SCFD2: variants seen among roughly 807,000 people sequenced by gnomAD.
SCFD2 encodes the protein sec1 family domain-containing protein 2.
In SCFD2, 54 loss-of-function variants were observed where a neutral mutation model predicts 58.9. The ratio of observed to expected loss-of-function variants is 0.92; its 90% CI spans 0.74 to 1.15. The LOEUF is 1.15. SCFD2 is among the 50% of genes most tolerant of loss of function. The probability of loss-of-function intolerance (pLI) is 0.00; values close to 1 mark genes in which losing one functional copy is unlikely to be tolerated. For missense variants in SCFD2, 805 were observed against 836.6 expected (o/e 0.96, Z 0.47); for synonymous variants, 321 against 335.9 (o/e 0.96, Z 0.49).
At chr4:53,236,488 C>G (rs2149014900) in intron 4 of SCFD2, among the ~76,000 whole-genome samples, 1 of 147,706 alleles carries the variant, frequency 6.8e-6, no homozygotes, top group East Asian at 2.0e-4. Flanking sequence ...TTCTGTCCCT[C>G]TAAGAGAACC....
intron 5 of SCFD2, among the ~76,000 whole-genome samples, chr4:53,127,406 G>A (rs1421041898): frequency 1.3e-5 from 2 of 151,972 alleles, no homozygotes; most frequent in African/African-American, 4.8e-5. Flanking sequence ...TCTTCTATGT[G>A]CGCACCCCCC....
At chr4:53,139,408 G>A (rs1420033393) in intron 5 of SCFD2, among the ~76,000 whole-genome samples, 2 of 131,474 alleles carry the variant, frequency 1.5e-5, no homozygotes, top group African/African-American at 2.6e-5. Context: ...CCCGGCTGCC[G>A]GCCGTCATCC....
At chr4:53,244,563 A>G (rs1730002718) in intron 4 of SCFD2, among the ~76,000 whole-genome samples, 1 of 152,164 alleles carries the variant, frequency 6.6e-6, no homozygotes, top group Admixed American at 6.5e-5. Flanking sequence ...AAGATACAAC[A>G]TACCAGAATC....
At chr4:52,943,934 T>G (rs1341833313) in intron 5 of SCFD2, among the ~76,000 whole-genome samples, 2 of 152,330 alleles carry the variant, frequency 1.3e-5, no homozygotes, top group East Asian at 3.9e-4. Flanking sequence ...TGAAAACATT[T>G]GTTTATCAAA....
chr4:53,298,956 A>G (rs559127241), intron 3 of SCFD2, among the ~76,000 whole-genome samples: 4 of 152,324 alleles, frequency 2.6e-5, no homozygotes, highest in Non-Finnish European at 4.4e-5. Flanking sequence ...CGTCAACATC[A>G]TCAAAGACCA....
rs192071558 is a variant in SCFD2 at position 53,033,729 on chromosome 4, T to C, written c.1561+111604A>G. 1.1e-3 allele frequency among the ~76,000 whole-genome samples: 167 copies of C among 152,220 alleles called. 1 individual carries two copies. Among genetic ancestry groups the C allele is most frequent in the Non-Finnish European group, 1.7e-3 (117 of 68,004 alleles). ...AACTAGAAAATCTAGAAAAAATGGA[T>C]AAATTCCTGGACACAACACCCTCCC... On this transcript the variant is annotated intron_variant, in intron 5 of 8. Transcript: ENST00000401642.
At chr4:52,914,908 C>T (rs988523098) in intron 6 of SCFD2, among the ~76,000 whole-genome samples, 1 of 152,028 alleles carries the variant, frequency 6.6e-6, no homozygotes, top group African/African-American at 2.4e-5. Flanking sequence ...CCCTTGATGG[C>T]TGATACACAT....
intron 6 of SCFD2, among the ~76,000 whole-genome samples, chr4:52,916,051 C>A (rs1412819671): frequency 2.0e-5 from 3 of 152,200 alleles, no homozygotes; most frequent in African/African-American, 7.2e-5. Context: ...AGGTTTTTTG[C>A]AGCTCAGCCC....
At chr4:53,028,368 T>A in intron 5 of SCFD2, among the ~76,000 whole-genome samples, 1 of 152,244 alleles carries the variant, frequency 6.6e-6, no homozygotes, top group Non-Finnish European at 1.5e-5. Context: ...TATTTTATTT[T>A]ATTGATAACA....
chr4:53,265,273 C>T (rs1405525833), intron 4 of SCFD2, among the ~76,000 whole-genome samples: 2 of 152,114 alleles, frequency 1.3e-5, no homozygotes, highest in South Asian at 4.1e-4. Flanking sequence ...TTTTATCCCA[C>T]AAAATCTTTT....
chr4:53,180,390 C>A (rs1560372593), intron 4 of SCFD2, among the ~76,000 whole-genome samples: 1 of 152,134 alleles, frequency 6.6e-6, no homozygotes, highest in African/African-American at 2.4e-5. Context: ...GCAAGCTGCT[C>A]CTGAATGACT....
At chr4:53,135,028 T>C (rs1286125650) in intron 5 of SCFD2, among the ~76,000 whole-genome samples, 1 of 152,184 alleles carries the variant, frequency 6.6e-6, no homozygotes, top group Non-Finnish European at 1.5e-5. Flanking sequence ...AAAACTATTC[T>C]ACATCACTAG....
chr4:52,952,825 TCCC>T (rs773938828), intron 5 of SCFD2, among the ~76,000 whole-genome samples: 32 of 152,114 alleles, frequency 2.1e-4, no homozygotes, highest in Non-Finnish European at 4.0e-4. Context: ...ACTTACCTTC[TCCC>T]CCACCTTTTC....
At chr4:52,924,293 C>G (rs1719812991) in intron 5 of SCFD2, among the ~76,000 whole-genome samples, 1 of 152,008 alleles carries the variant, frequency 6.6e-6, no homozygotes, top group South Asian at 2.1e-4. Flanking sequence ...TATACATTGA[C>G]ATTAATTAAT....
chr4:53,072,480 G>A (rs557729814), intron 5 of SCFD2, among the ~76,000 whole-genome samples: 2 of 152,066 alleles, frequency 1.3e-5, no homozygotes, highest in East Asian at 3.9e-4. Context: ...CAACCTGGAG[G>A]CTCCATCTTC....
chr4:53,031,786 G>A (rs1722621578), intron 5 of SCFD2, among the ~76,000 whole-genome samples: 1 of 152,182 alleles, frequency 6.6e-6, no homozygotes, highest in Non-Finnish European at 1.5e-5. Context: ...ATGGGACTAG[G>A]TGAAAAGACC....
intron 3 of SCFD2, among the ~76,000 whole-genome samples, chr4:53,312,228 T>C (rs1732714069): frequency 6.6e-6 from 1 of 152,178 alleles, no homozygotes; most frequent in Non-Finnish European, 1.5e-5. Flanking sequence ...CATTTATTAA[T>C]TCAAAACTAG....
chr4:53,033,380 T>C (rs939288771), intron 5 of SCFD2, among the ~76,000 whole-genome samples: 1 of 151,888 alleles, frequency 6.6e-6, no homozygotes, highest in Non-Finnish European at 1.5e-5. Context: ...AAATCTAAAA[T>C]TGACATCCTA....
chr4:53,190,882 C>T (rs1370172345), intron 4 of SCFD2, among the ~76,000 whole-genome samples: 1 of 149,258 alleles, frequency 6.7e-6, no homozygotes, highest in Non-Finnish European at 1.5e-5. Flanking sequence ...CTAGAGAATT[C>T]CTATAAATAT....
Sources: gnomAD v4.1 joint callset for allele counts (sites outside exome capture counted in the v4.1 genomes callset) on GRCh38, gnomAD v4.1.1 for gene constraint, MANE v1.5 for transcripts, NCBI Gene and HGNC (gene_info 2026-07-23, HGNC 2026-07-21) for gene names.